The following SLC24A4 variants were observed in gnomAD, a reference collection of about 807,000 sequenced individuals.
SLC24A4 encodes the protein sodium/potassium/calcium exchanger 4.
SLC24A4 carries 53 observed loss-of-function variants against 79.0 expected under a neutral mutation model. The observed-to-expected ratio is 0.67, with a 90% CI of 0.54 to 0.84. The LOEUF (loss-of-function observed/expected upper bound fraction) is 0.84, where lower values mean the gene tolerates loss of function less well. SLC24A4 is among the 40% of genes least tolerant of loss of function. SLC24A4 has a pLI of 0.00. For synonymous variants in SLC24A4, 323 were observed against 323.8 expected (o/e 1.00, Z 0.03); for missense variants, 731 against 822.0 (o/e 0.89, Z 1.35).
chr14:92,444,903 TAC>T (rs928294919), intron 7 of SLC24A4, among the ~76,000 whole-genome samples: 10 of 148,226 alleles, frequency 6.7e-5, no homozygotes, highest in Admixed American at 2.8e-4. Context: ...ACACCATATA[TAC>T]ACACACACAC....
At chr14:92,485,257 A>G (rs1022244458) in intron 13 of SLC24A4, among the ~76,000 whole-genome samples, 2 of 152,160 alleles carry the variant, frequency 1.3e-5, no homozygotes, top group East Asian at 1.9e-4. Flanking sequence ...TGAGCCCAGG[A>G]GTTCAAGACC....
chr14:92,461,754 G>A (rs77670448), intron 12 of SLC24A4, among the ~76,000 whole-genome samples: 1,791 of 152,270 alleles, frequency 0.012, 32 homozygotes, highest in African/African-American at 0.041. Flanking sequence ...AGGATCTCAC[G>A]GGGCATCTGT....
intron 2 of SLC24A4, among the ~76,000 whole-genome samples, chr14:92,362,036 C>T (rs4900116): frequency 0.9 from 136,414 of 152,196 alleles, 62,989 homozygotes; most frequent in East Asian, 1. Context: ...AAATAATGAA[C>T]GCTGATGGTG....
At chr14:92,470,136 A>G (rs1338935550) in intron 12 of SLC24A4, among the ~76,000 whole-genome samples, 1 of 152,226 alleles carries the variant, frequency 6.6e-6, no homozygotes, top group Non-Finnish European at 1.5e-5. Flanking sequence ...TAGGACTGTC[A>G]GCATCAGCAG....
intron 2 of SLC24A4, among the ~76,000 whole-genome samples, chr14:92,342,545 G>A (rs112223482): frequency 0.14 from 20,495 of 151,758 alleles, 1,535 homozygotes; most frequent in African/African-American, 0.2. Context: ...CACCACGCCC[G>A]GCTAATTTTG....
At chr14:92,440,908 G>C (rs1481119351) in intron 4 of SLC24A4, among the ~76,000 whole-genome samples, 1 of 151,960 alleles carries the variant, frequency 6.6e-6, no homozygotes, top group Non-Finnish European at 1.5e-5. Flanking sequence ...GAATGGCCCA[G>C]GCAAAGGCAG....
chr14:92,436,356 T>G (rs1166115287), intron 3 of SLC24A4, among the ~76,000 whole-genome samples: 1 of 152,252 alleles, frequency 6.6e-6, no homozygotes, highest in Non-Finnish European at 1.5e-5. Context: ...ATGGCTCGTT[T>G]TTGTTTCACA....
chr14:92,437,669 A>C (rs1229916238), intron 3 of SLC24A4, among the ~76,000 whole-genome samples: 1 of 152,218 alleles, frequency 6.6e-6, no homozygotes, highest in Admixed American at 6.5e-5. Flanking sequence ...TGGTGCCAGC[A>C]TTATTAAGTA....
rs750275581 is a variant in SLC24A4 at position 92,482,852 on chromosome 14, TG to T, written c.1422+12del. 3 of 1,606,518 alleles carry T rather than the reference TG, an allele frequency of 1.9e-6. No individual in the cohort carries two copies. In the South Asian group the frequency reaches 3.3e-5, roughly 18 times the overall value. ...CCTACATCATGGTGTGGCTGGTGAG[TG>T]GGGGGAGCAGGGGGTGGACTGTGTG... On this transcript the variant is annotated splice_region_variant and intron_variant, in intron 13 of 16. Coordinates refer to ENST00000532405, the MANE Select transcript of SLC24A4 (RefSeq NM_153646.4).
chr14:92,415,447 TTTATTTATTTA>T lies in SLC24A4; in HGVS notation c.242-18451_242-18441del, dbSNP rs1271259964. On this transcript the variant is annotated intron_variant, in intron 2 of 16. Coordinates refer to ENST00000532405, the MANE Select transcript of SLC24A4 (RefSeq NM_153646.4). Reference sequence around the variant, plus strand: ...GGATTTTATTTTTTATGTTTTTATTTTTATTTATTTATTATTTATTTATTTTCGAGACGGAG... The same window carrying T: ...GGATTTTATTTTTTATGTTTTTATTTTTATTTATTTATTTTCGAGACGGAG... 3.9e-5 allele frequency among the ~76,000 whole-genome samples: 6 copies of T among 152,092 alleles called. No individual in the cohort carries two copies. The East Asian group carries it at 7.7e-4, about 20-fold the overall frequency.
chr14:92,420,287 C>T (rs868198185), intron 2 of SLC24A4, among the ~76,000 whole-genome samples: 1 of 152,192 alleles, frequency 6.6e-6, no homozygotes, highest in African/African-American at 2.4e-5. Flanking sequence ...AGACACTAGC[C>T]TGGCCAATAT....
chr14:92,493,017 C>CAG (rs1555376592), intron 16 of SLC24A4: 54 of 281,514 alleles, frequency 1.9e-4, no homozygotes, highest in Non-Finnish European at 2.5e-4. Flanking sequence ...CACACACACA[C>CAG]AGAGAAAGAT....
chr14:92,343,545 T>C (rs796490719), intron 2 of SLC24A4, among the ~76,000 whole-genome samples: 11 of 152,302 alleles, frequency 7.2e-5, no homozygotes, highest in African/African-American at 2.6e-4. Context: ...GGGGTTGAAG[T>C]CTGCTCAGAC....
At chr14:92,433,191 A>G (rs989540209) in intron 2 of SLC24A4, among the ~76,000 whole-genome samples, 1 of 152,082 alleles carries the variant, frequency 6.6e-6, no homozygotes, top group Non-Finnish European at 1.5e-5. Context: ...GATCTGTGAC[A>G]ATGGAATTCA....
In SLC24A4 at chr14:92,495,971, G is replaced by A. The variant is rs1370424701; in HGVS notation, c.*2343G>A. ...CAAAAATTATTTTTAGCTATGGCAAGGCACAGGCCACATGGCCCCTGATGG... is the reference window on the plus strand; with the variant it reads ...CAAAAATTATTTTTAGCTATGGCAAAGCACAGGCCACATGGCCCCTGATGG... On this transcript the variant is annotated 3_prime_UTR_variant, in exon 17 of 17. Coordinates refer to ENST00000532405, the MANE Select transcript of SLC24A4 (RefSeq NM_153646.4). The A allele has an allele frequency of 1.3e-5, 2 of 152,304 alleles. No individual in the cohort carries two copies. Among genetic ancestry groups the A allele is most frequent in the African/African-American group, 4.8e-5 (2 of 41,456 alleles). 9.4% of individuals were successfully genotyped at this position (152,304 alleles called of 1,614,324 possible).
At chr14:92,386,155 G>A (rs946311110) in intron 2 of SLC24A4, among the ~76,000 whole-genome samples, 6 of 151,986 alleles carry the variant, frequency 3.9e-5, no homozygotes, top group African/African-American at 9.7e-5. Flanking sequence ...TCATGGTTTC[G>A]TTTTTTTCCC....
intron 2 of SLC24A4, among the ~76,000 whole-genome samples, chr14:92,373,993 C>A (rs1457780157): frequency 6.6e-6 from 1 of 152,150 alleles, no homozygotes; most frequent in African/African-American, 2.4e-5. Flanking sequence ...ATAAATATAT[C>A]AGTCAGTGCA....
intron 2 of SLC24A4, among the ~76,000 whole-genome samples, chr14:92,343,280 A>G (rs376018596): frequency 8.5e-5 from 13 of 152,216 alleles, no homozygotes; most frequent in Admixed American, 2.6e-4. Flanking sequence ...TTCTGTAATC[A>G]TATCCTAAGA....
intron 2 of SLC24A4, among the ~76,000 whole-genome samples, chr14:92,329,190 G>C (rs548008565): frequency 1.5e-3 from 229 of 152,358 alleles, no homozygotes; most frequent in Non-Finnish European, 3.0e-3. Flanking sequence ...GTCAGAAGAT[G>C]GAGCTTTAAG....
Sources: allele counts gnomAD v4.1 joint callset (sites outside exome capture counted in the v4.1 genomes callset), GRCh38; gene constraint gnomAD v4.1.1; transcripts MANE v1.5; gene names NCBI Gene and HGNC (gene_info 2026-07-23, HGNC 2026-07-21).